XKR9: variants seen among roughly 807,000 people sequenced by gnomAD.
XKR9 encodes XK related 9, also known as XK-related protein 9.
XKR9 carries 32 observed loss-of-function variants against 32.0 expected under a neutral mutation model. That is an observed-to-expected ratio of 1.00 (90% confidence interval 0.76 to 1.34). The LOEUF (loss-of-function observed/expected upper bound fraction) is 1.34, where lower values mean the gene tolerates loss of function less well. Ranked by LOEUF, XKR9 falls within the 40% of genes most tolerant of loss-of-function variation. XKR9 has a pLI of 0.00. For synonymous variants in XKR9, 168 were observed against 143.4 expected, an observed-to-expected ratio of 1.17 and a Z score of -1.22; for missense variants, 546 against 429.7, an observed-to-expected ratio of 1.27 and a Z score of -2.39.
the XKR9 span, among the ~76,000 whole-genome samples, chr8:70,967,349 A>G: frequency 2.0e-5 from 3 of 152,236 alleles, no homozygotes; most frequent in Non-Finnish European, 2.9e-5. Flanking sequence ...GAATATAGGC[A>G]TGAGCCACCA....
At chr8:70,837,788 G>A in the XKR9 span, among the ~76,000 whole-genome samples, 101 of 152,124 alleles carry the variant, frequency 6.6e-4, no homozygotes, top group African/African-American at 2.3e-3. Flanking sequence ...TAACTGGGAA[G>A]GCCATGGAAA....
At chr8:70,986,444 G>C in the XKR9 span, among the ~76,000 whole-genome samples, 2 of 152,294 alleles carry the variant, frequency 1.3e-5, no homozygotes, top group Admixed American at 1.3e-4. Flanking sequence ...TAACTTCTGT[G>C]TACTAGATGT....
chr8:70,691,956 A>G (rs1361704520), intron 3 of XKR9, among the ~76,000 whole-genome samples: 1 of 152,050 alleles, frequency 6.6e-6, no homozygotes, highest in Non-Finnish European at 1.5e-5. Flanking sequence ...GAGGAATGTC[A>G]TTGGTAGTTT....
chr8:70,766,509 G>C (rs563416794), intron 2 of XKR9, among the ~76,000 whole-genome samples: 1 of 152,156 alleles, frequency 6.6e-6, no homozygotes, highest in Admixed American at 6.5e-5. Context: ...GAGATGATGG[G>C]GTTTTCTAAA....
intron 2 of XKR9, among the ~76,000 whole-genome samples, chr8:70,675,902 C>T (rs535223743): frequency 2.6e-5 from 4 of 152,214 alleles, no homozygotes; most frequent in African/African-American, 9.7e-5. Context: ...CTGCCTGTTA[C>T]TCAGTTCTAA....
the XKR9 span, among the ~76,000 whole-genome samples, chr8:70,924,159 C>T: frequency 1.1e-4 from 17 of 152,268 alleles, no homozygotes; most frequent in Admixed American, 5.2e-4. Context: ...AGATGGCTCC[C>T]GTATGCCACT....
chr8:70,796,131 G>A, the XKR9 span, among the ~76,000 whole-genome samples: 2 of 151,898 alleles, frequency 1.3e-5, no homozygotes, highest in African/African-American at 4.8e-5. Context: ...GCATGTCACA[G>A]GGGTTTGGTG....
At chr8:70,708,022 A>G (rs1805780173) in intron 4 of XKR9, among the ~76,000 whole-genome samples, 1 of 152,020 alleles carries the variant, frequency 6.6e-6, no homozygotes, top group African/African-American at 2.4e-5. Context: ...CTAGACTCAC[A>G]TGTTATATCA....
At chr8:70,880,153 C>A in the XKR9 span, among the ~76,000 whole-genome samples, 1 of 151,922 alleles carries the variant, frequency 6.6e-6, no homozygotes, top group Non-Finnish European at 1.5e-5. Flanking sequence ...TATGACACAC[C>A]CATAGTCAAT....
chr8:70,829,596 C>T, the XKR9 span, among the ~76,000 whole-genome samples: 6 of 152,128 alleles, frequency 3.9e-5, no homozygotes, highest in Non-Finnish European at 8.8e-5. Flanking sequence ...CTACAGGCGC[C>T]CGCTACCACA....
chr8:71,033,217 C>A, the XKR9 span, among the ~76,000 whole-genome samples: 1 of 152,184 alleles, frequency 6.6e-6, no homozygotes. Flanking sequence ...GGGTTCAAAT[C>A]CAGACTCCCC....
At chr8:70,864,713 C>A in the XKR9 span, among the ~76,000 whole-genome samples, 7 of 152,204 alleles carry the variant, frequency 4.6e-5, no homozygotes, top group African/African-American at 1.7e-4. Context: ...TGAAGCATAT[C>A]ATTTCTCTGC....
chr8:70,837,245 C>CAGTAT, the XKR9 span, among the ~76,000 whole-genome samples: 2 of 152,010 alleles, frequency 1.3e-5, no homozygotes, highest in Non-Finnish European at 2.9e-5. Context: ...TATGTAATAT[C>CAGTAT]AGTATAGCAC....
intron 2 of XKR9, among the ~76,000 whole-genome samples, chr8:70,750,753 T>C (rs1158185913): frequency 6.6e-6 from 1 of 152,218 alleles, no homozygotes; most frequent in Non-Finnish European, 1.5e-5. Flanking sequence ...CACAATTAAC[T>C]TTAGAACATT....
At chr8:70,746,524 G>A (rs944670349) in intron 2 of XKR9, among the ~76,000 whole-genome samples, 2 of 150,260 alleles carry the variant, frequency 1.3e-5, no homozygotes, top group Non-Finnish European at 3.0e-5. Flanking sequence ...TAGGGAATTT[G>A]CAGTTTCTTT....
At chr8:70,910,602 G>A in the XKR9 span, among the ~76,000 whole-genome samples, 1 of 152,212 alleles carries the variant, frequency 6.6e-6, no homozygotes, top group Admixed American at 6.5e-5. Flanking sequence ...CCTGGGAGTA[G>A]AACTCAGGAA....
At chr8:70,772,704 A>G (rs1807469310) in intron 2 of XKR9, among the ~76,000 whole-genome samples, 1 of 152,150 alleles carries the variant, frequency 6.6e-6, no homozygotes, top group Non-Finnish European at 1.5e-5. Flanking sequence ...AAATTATTAT[A>G]TTTATGTAGA....
At chr8:70,953,952 G>C in the XKR9 span, among the ~76,000 whole-genome samples, 63 of 152,312 alleles carry the variant, frequency 4.1e-4, 1 homozygote, top group Admixed American at 1.0e-3. Context: ...GCATAGAGGA[G>C]TGAAGGAGAG....
chr8:70,937,330 AC>A, the XKR9 span, among the ~76,000 whole-genome samples: 1 of 152,040 alleles, frequency 6.6e-6, no homozygotes, highest in Non-Finnish European at 1.5e-5. Context: ...ATGTGAACAA[AC>A]ATGATTTAAC....
Sources: gnomAD v4.1 joint callset for allele counts (sites outside exome capture counted in the v4.1 genomes callset) on GRCh38, gnomAD v4.1.1 for gene constraint, MANE v1.5 for transcripts, NCBI Gene and HGNC (gene_info 2026-07-23, HGNC 2026-07-21) for gene names.